Variants in PPM1E observed in about 807,000 individuals in gnomAD.
PPM1E encodes the protein protein phosphatase, Mg2+/Mn2+ dependent 1E, also known as protein phosphatase 1E.
In PPM1E, 20 loss-of-function variants were observed where a neutral mutation model predicts 65.9. The ratio of observed to expected loss-of-function variants is 0.30; its 90% CI spans 0.21 to 0.44. PPM1E has a LOEUF of 0.44. PPM1E is among the 20% of genes least tolerant of loss of function. The pLI is 1.00. For synonymous variants in PPM1E, 352 were observed against 374.9 expected (o/e 0.94, Z 0.70); for missense variants, 713 against 953.1 (o/e 0.75, Z 3.32).
chr17:58,822,331 TTTA>T (rs1567843981), intron 1 of PPM1E, among the ~76,000 whole-genome samples: 228 of 3,356 alleles, frequency 0.068, no homozygotes, highest in Non-Finnish European at 0.21. Context: ...TTTATTTTTA[TTTA>T]TTTATTTATT....
chr17:58,898,167 A>G (rs1387164119), intron 1 of PPM1E, among the ~76,000 whole-genome samples: 1 of 151,700 alleles, frequency 6.6e-6, no homozygotes, highest in Non-Finnish European at 1.5e-5. Context: ...CAGGAGAATC[A>G]CTTGAACCTG....
intron 1 of PPM1E, among the ~76,000 whole-genome samples, chr17:58,923,326 G>C (rs1292317247): frequency 1.3e-5 from 2 of 150,158 alleles, no homozygotes; most frequent in East Asian, 4.0e-4. Context: ...GAAAATATTA[G>C]GTGGATAAAT....
intron 1 of PPM1E, among the ~76,000 whole-genome samples, chr17:58,777,370 G>A (rs1454397253): frequency 1.3e-5 from 2 of 152,082 alleles, no homozygotes; most frequent in Non-Finnish European, 2.9e-5. Flanking sequence ...AAAGGAAAAA[G>A]GATCACTGTA....
intron 1 of PPM1E, among the ~76,000 whole-genome samples, chr17:58,826,736 C>A (rs988716045): frequency 1.3e-5 from 2 of 151,944 alleles, no homozygotes; most frequent in African/African-American, 4.8e-5. Flanking sequence ...AGCGATTTTT[C>A]TGCCTCACCC....
chr17:58,758,589 A>T (rs1191201234), intron 1 of PPM1E, among the ~76,000 whole-genome samples: 1 of 152,150 alleles, frequency 6.6e-6, no homozygotes, highest in East Asian at 1.9e-4. Flanking sequence ...GAAATGATAA[A>T]ATGGCCATCT....
chr17:58,794,213 G>A lies in PPM1E; in HGVS notation c.464+37752G>A, dbSNP rs148152374. 1.3e-5 allele frequency among the ~76,000 whole-genome samples: 2 copies of A among 152,192 alleles called. 1 individual carries two copies. The highest frequency in any genetic ancestry group is 4.8e-5 in the African/African-American group (2 of 41,538). ...GCCCACCTCAGCCTCCCAAAGTGCT[G>A]GGATTACAGGCAGGAGCCACCATGC... On this transcript the variant is annotated intron_variant, in intron 1 of 6. Coordinates refer to ENST00000308249, the MANE Select transcript of PPM1E (RefSeq NM_014906.5).
rs73315142 is a variant in PPM1E, at chr17:58,900,744, T to A, written c.465-54905T>A. ...TTACTGATGTCATTTTGTTCCAGTT[T>A]GGAGCTATTACAAACAACGTTGCAA... On this transcript the variant is annotated intron_variant, in intron 1 of 6. Coordinates refer to ENST00000308249, the MANE Select transcript of PPM1E (RefSeq NM_014906.5). Among the ~76,000 whole-genome samples the A allele has an allele frequency of 9.0e-3, 1,378 of 152,298 alleles. 25 individuals are homozygous for A. The highest frequency in any genetic ancestry group is 0.031 in the African/African-American group (1,274 of 41,554).
chr17:58,826,816 A>T (rs1374916028), intron 1 of PPM1E, among the ~76,000 whole-genome samples: 1 of 151,762 alleles, frequency 6.6e-6, no homozygotes, highest in Non-Finnish European at 1.5e-5. Flanking sequence ...TTTTTAGTAG[A>T]GACGGGGTTT....
Position 58,787,883 on chromosome 17 carries a change from G to A in PPM1E, c.464+31422G>A, listed in dbSNP as rs1304883695. 2.0e-5 allele frequency among the ~76,000 whole-genome samples: 3 copies of A among 148,666 alleles called. No individual in the cohort carries two copies. In the East Asian group the frequency reaches 6.0e-4, roughly 30 times the overall value. ...GATCGCACCACTGCACTCCAGCCTG[G>A]GCAACAGAGTAAGACTCTGTCTAAA... On this transcript the variant is annotated intron_variant, in intron 1 of 6. Transcript: ENST00000308249.
chr17:58,830,394 G>A lies in PPM1E; in HGVS notation c.464+73933G>A, dbSNP rs961649110. 1.1e-4 allele frequency among the ~76,000 whole-genome samples: 16 copies of A among 151,568 alleles called. No individual in the cohort carries two copies. The East Asian group carries it at 1.9e-3, about 18-fold the overall frequency. On this transcript the variant is annotated intron_variant, in intron 1 of 6. Transcript: ENST00000308249. ...GCAGTCTCGGCTCACTGCAAGCTTC[G>A]CCTCCCAGGTTCACGCCATTCTCCT...
At chr17:58,919,316 T>C (rs923793143) in intron 1 of PPM1E, among the ~76,000 whole-genome samples, 8 of 152,202 alleles carry the variant, frequency 5.3e-5, no homozygotes, top group Non-Finnish European at 1.0e-4. Context: ...TATACAGTCA[T>C]TGAACTTGAG....
intron 1 of PPM1E, among the ~76,000 whole-genome samples, chr17:58,941,269 C>A (rs1208114886): frequency 6.6e-6 from 1 of 152,098 alleles, no homozygotes; most frequent in Non-Finnish European, 1.5e-5. Flanking sequence ...AAAGGGATCC[C>A]ATCAATTTAT....
chr17:58,796,438 T>C (rs2050206860), intron 1 of PPM1E, among the ~76,000 whole-genome samples: 1 of 152,140 alleles, frequency 6.6e-6, no homozygotes, highest in Non-Finnish European at 1.5e-5. Flanking sequence ...GCCTGGCTAA[T>C]TCTTGTATTT....
chr17:58,956,975 T>C (rs1273272192), intron 2 of PPM1E, among the ~76,000 whole-genome samples: 1 of 152,226 alleles, frequency 6.6e-6, no homozygotes, highest in African/African-American at 2.4e-5. Flanking sequence ...TTGTTTTTAC[T>C]GACAGTAACT....
chr17:58,961,755 TG>T (rs146549272), intron 2 of PPM1E, among the ~76,000 whole-genome samples: 5,587 of 152,242 alleles, frequency 0.037, 156 homozygotes, highest in South Asian at 0.092. Flanking sequence ...ATCGAGCAAT[TG>T]AAATAGAGCT....
intron 1 of PPM1E, among the ~76,000 whole-genome samples, chr17:58,799,683 A>T (rs993020593): frequency 6.6e-6 from 1 of 152,188 alleles, no homozygotes; most frequent in Non-Finnish European, 1.5e-5. Flanking sequence ...ACCTCAGGTG[A>T]TCTACCCGCC....
intron 1 of PPM1E, among the ~76,000 whole-genome samples, chr17:58,916,766 A>T (rs2051687818): frequency 6.6e-6 from 1 of 152,256 alleles, no homozygotes; most frequent in South Asian, 2.1e-4. Context: ...TAATACATAT[A>T]GTACCTATCT....
intron 1 of PPM1E, among the ~76,000 whole-genome samples, chr17:58,793,899 A>G (rs2050181354): frequency 6.6e-6 from 1 of 152,102 alleles, no homozygotes; most frequent in Non-Finnish European, 1.5e-5. Flanking sequence ...GCTGAAGTGC[A>G]GCAGCGCAAT....
chr17:58,822,117 G>A (rs1341565056), intron 1 of PPM1E, among the ~76,000 whole-genome samples: 1 of 152,058 alleles, frequency 6.6e-6, no homozygotes, highest in African/African-American at 2.4e-5. Context: ...GAGTGATGAG[G>A]ATTACTAAAA....
Sources: allele counts gnomAD v4.1 joint callset (sites outside exome capture counted in the v4.1 genomes callset), GRCh38; gene constraint gnomAD v4.1.1; transcripts MANE v1.5; gene names NCBI Gene and HGNC (gene_info 2026-07-23, HGNC 2026-07-21).